Variants in DNAH11 observed in about 807,000 individuals in gnomAD.
DNAH11 encodes the protein axonemal beta dynein heavy chain 11.
Under a neutral mutation model 526.0 loss-of-function variants are expected in DNAH11, and 442 were observed. The ratio of observed to expected loss-of-function variants is 0.84; its 90% CI spans 0.78 to 0.91. The LOEUF is 0.91. DNAH11 is among the 40% of genes least tolerant of loss of function. The pLI, the probability that DNAH11 is intolerant of heterozygous loss-of-function variation, is 0.00. For missense variants in DNAH11, 6,989 were observed against 5,448.7 expected (o/e 1.28, Z -8.90); for synonymous variants, 2,461 against 1,935.9 (o/e 1.27, Z -7.12).
chr7:21,734,581 C>T (rs540683769), intron 45 of DNAH11, among the ~76,000 whole-genome samples: 1 of 152,154 alleles, frequency 6.6e-6, no homozygotes, highest in Non-Finnish European at 1.5e-5. Flanking sequence ...GTTGAGTCAA[C>T]CATGGTGGCT....
chr7:21,848,942 A>G (rs71530682), intron 66 of DNAH11, among the ~76,000 whole-genome samples: 75,493 of 151,990 alleles, frequency 0.5, 21,423 homozygotes, highest in Non-Finnish European at 0.65. Context: ...CTGGAGTGCA[A>G]TGGCACAATC....
chr7:21,727,941 C>G (rs993462773), intron 45 of DNAH11, among the ~76,000 whole-genome samples: 1 of 152,192 alleles, frequency 6.6e-6, no homozygotes, highest in African/African-American at 2.4e-5. Flanking sequence ...CTCACATAGC[C>G]TTTTCTCTGT....
Position 21,807,977 on chromosome 7 carries a change from C to T in DNAH11, c.10260C>T (p.Tyr3420=), listed in dbSNP as rs1789346276. The change falls in exon 63 of 82, where the codon TAC becomes TAT. Residue 3420 remains tyrosine (Y), a synonymous_variant. Coordinates refer to ENST00000409508, the MANE Select transcript of DNAH11 (RefSeq NM_001277115.2). ...TTCTCACGGCGGCATTTGTGTCTTA[C>T]GTCGGACCCTTCACAAGGCAGTATC... is the stretch of plus-strand genomic sequence containing the variant. ...DVLLTAAFVS[Y]VGPFTRQYRQ... The T allele has an allele frequency of 5.6e-6, 9 of 1,603,562 alleles. No individual in the cohort carries two copies. Among genetic ancestry groups the T allele is most frequent in the South Asian group, 5.6e-5 (5 of 89,158 alleles).
In DNAH11 at chr7:21,673,602, C is replaced by T. The variant is rs117051239; in HGVS notation, c.5329-7944C>T. ...CTGCTCTGACCTCTCTCAAGGCTGC[C>T]CTGACTTTCTTTCCTCCTGTTTCTT... On this transcript the variant is annotated intron_variant, in intron 30 of 81. Coordinates refer to ENST00000409508, the MANE Select transcript of DNAH11 (RefSeq NM_001277115.2). Among the ~76,000 whole-genome samples, 1,212 of 152,232 alleles carry T rather than the reference C, an allele frequency of 8.0e-3. 42 individuals are homozygous for T. The South Asian group carries it at 0.087, about 11-fold the overall frequency.
chr7:21,652,744 A>G (rs1476694520), intron 28 of DNAH11, among the ~76,000 whole-genome samples: 1 of 152,194 alleles, frequency 6.6e-6, no homozygotes, highest in African/African-American at 2.4e-5. Context: ...CAATTTTTGT[A>G]CTAATCTTTT....
chr7:21,665,088 TC>T (rs1459308400), intron 30 of DNAH11, among the ~76,000 whole-genome samples: 15 of 151,926 alleles, frequency 9.9e-5, no homozygotes, highest in Admixed American at 3.3e-4. Context: ...TTTATCTCTC[TC>T]TCTCTCTCTC....
chr7:21,617,842 A>G (rs368581147), intron 23 of DNAH11, 65 bp downstream of exon 23: 1 of 1,446,362 alleles, frequency 6.9e-7, no homozygotes, highest in Non-Finnish European at 9.2e-7. Flanking sequence ...CTTGGTTTGC[A>G]TCATCTGAGA....
At chr7:21,723,515 A>T (rs979473989) in intron 44 of DNAH11, among the ~76,000 whole-genome samples, 1 of 152,128 alleles carries the variant, frequency 6.6e-6, no homozygotes, top group African/African-American at 2.4e-5. Context: ...TGGGCTTTCT[A>T]TTTCTGCATT....
intron 55 of DNAH11, among the ~76,000 whole-genome samples, chr7:21,770,119 G>T (rs960569357): frequency 1.3e-5 from 2 of 152,118 alleles, no homozygotes; most frequent in Non-Finnish European, 2.9e-5. Context: ...ACTGCTGTTG[G>T]TGCTACTGCT....
At chr7:21,654,071 C>T (rs571336817) in intron 28 of DNAH11, among the ~76,000 whole-genome samples, 4 of 151,990 alleles carry the variant, frequency 2.6e-5, no homozygotes, top group Non-Finnish European at 4.4e-5. Flanking sequence ...TTATCAGCAG[C>T]TCATATTTAT....
intron 75 of DNAH11, among the ~76,000 whole-genome samples, chr7:21,881,551 T>A (rs1783925488): frequency 1.3e-5 from 2 of 152,224 alleles, no homozygotes; most frequent in Admixed American, 1.3e-4. Context: ...CAAGAACCAT[T>A]CATTCCTAAG....
In DNAH11 at chr7:21,718,427, T is replaced by A. The variant is rs6461595; in HGVS notation, c.7134+502T>A. ...CAGCCAGTGAGTAAGAGAAAGCCTC[T>A]GAATTCTACCACCTAGGTGCCACCA... On this transcript the variant is annotated intron_variant, in intron 43 of 81. Coordinates refer to ENST00000409508, the MANE Select transcript of DNAH11 (RefSeq NM_001277115.2). 3.2e-3 allele frequency among the ~76,000 whole-genome samples: 489 copies of A among 152,046 alleles called. 5 individuals carry two copies. The highest frequency in any genetic ancestry group is 0.011 in the African/African-American group (452 of 41,472).
chr7:21,591,387 G>C lies in DNAH11; in HGVS notation c.2477G>C (p.Arg826Thr). The change falls in exon 14 of 82, where the codon AGA becomes ACA. Residue 826 changes from arginine (R) to threonine (T), a missense_variant. By Grantham distance (71) the Arg-to-Thr change is moderately conservative. Transcript: ENST00000409508. ...VRAATSELEH[R>T]VERTQKNVKV... ...GCAGCCACGTCCGAGTTGGAGCACA[G>C]AGTTGAGCGCACACAGAAAAACGTG... The C allele has an allele frequency of 1.2e-6, 2 of 1,613,944 alleles. No individual in the cohort carries two copies. Among genetic ancestry groups the C allele is most frequent in the South Asian group, 1.1e-5 (1 of 91,074 alleles).
intron 56 of DNAH11, among the ~76,000 whole-genome samples, chr7:21,776,773 A>G (rs140923800): frequency 6.6e-6 from 1 of 152,204 alleles, no homozygotes; most frequent in Non-Finnish European, 1.5e-5. Context: ...TTTTGAGATG[A>G]TAATAGATTC....
chr7:21,805,713 A>G (rs1401685939), intron 62 of DNAH11, among the ~76,000 whole-genome samples: 3 of 152,228 alleles, frequency 2.0e-5, no homozygotes, highest in African/African-American at 4.8e-5. Context: ...ACATATAGCA[A>G]TATTTCCAAA....
At chr7:21,727,126 G>A (rs1441769491) in intron 45 of DNAH11, among the ~76,000 whole-genome samples, 17 of 150,972 alleles carry the variant, frequency 1.1e-4, no homozygotes, top group Non-Finnish European at 1.9e-4. Flanking sequence ...GTAGAGACGG[G>A]GTTTCACCGT....
intron 54 of DNAH11, among the ~76,000 whole-genome samples, chr7:21,756,333 A>G (rs1200318364): frequency 6.6e-6 from 1 of 152,082 alleles, no homozygotes; most frequent in African/African-American, 2.4e-5. Context: ...AAATGCCTAA[A>G]TATATAAGAT....
At chr7:21,642,132 G>C (rs150914665) in intron 28 of DNAH11, among the ~76,000 whole-genome samples, 2 of 152,166 alleles carry the variant, frequency 1.3e-5, no homozygotes, top group African/African-American at 4.8e-5. Flanking sequence ...GAAATTTTGG[G>C]AAAATTTGTA....
intron 37 of DNAH11, chr7:21,703,444 T>A (rs1041273913): frequency 6.6e-6 from 1 of 152,378 alleles, no homozygotes; most frequent in Admixed American, 6.5e-5. Flanking sequence ...CTCACAGTTC[T>A]ACAGGCTTAA....
Sources: gnomAD v4.1 joint callset for allele counts (sites outside exome capture counted in the v4.1 genomes callset) on GRCh38, gnomAD v4.1.1 for gene constraint, MANE v1.5 for transcripts, NCBI Gene and HGNC (gene_info 2026-07-23, HGNC 2026-07-21) for gene names.